TMEM74: variants seen among roughly 807,000 people sequenced by gnomAD.
The protein encoded by TMEM74 is transmembrane protein 74.
Under a neutral mutation model 18.1 loss-of-function variants are expected in TMEM74, and 13 were observed. The observed-to-expected ratio is 0.72, with a 90% CI of 0.47 to 1.14. The LOEUF (loss-of-function observed/expected upper bound fraction) is 1.14, where lower values mean the gene tolerates loss of function less well. Ranked by LOEUF, TMEM74 falls within the 50% of genes most tolerant of loss-of-function variation. TMEM74 has a pLI of 0.00. For missense variants in TMEM74, 372 were observed against 375.9 expected, an observed-to-expected ratio of 0.99 and a Z score of 0.09; for synonymous variants, 159 against 146.6, an observed-to-expected ratio of 1.08 and a Z score of -0.61.
intron 1 of TMEM74, among the ~76,000 whole-genome samples, chr8:108,685,216 T>A (rs928029723): frequency 2.0e-5 from 3 of 152,082 alleles, no homozygotes; most frequent in Admixed American, 2.0e-4. Flanking sequence ...TGAGATTACC[T>A]TCTTGATTTC....
chr8:108,657,842 CAAAAAAAAAAAAAA>C lies in TMEM74; in HGVS notation n.120-2419_120-2406del, dbSNP rs1157229913. On this transcript the variant is annotated intron_variant and non_coding_transcript_variant, in intron 1 of 3. Transcript: ENST00000518838. ...TGGGTGACAGAGTGAGACACCGTCT[CAAAAAAAAAAAAAA>C]AAAATATATATATATATATATATAT... Among the ~76,000 whole-genome samples, 135 of 16,644 alleles carry C rather than the reference CAAAAAAAAAAAAAA, an allele frequency of 8.1e-3. 3 individuals are homozygous for C. Among genetic ancestry groups the C allele is most frequent in the African/African-American group, 0.013 (42 of 3,288 alleles). The allele number at this position is 16,644 out of a possible 152,430, so 10.9% of individuals were successfully genotyped here.
In TMEM74 at chr8:108,727,049, C is replaced by T. The variant is rs137972789; in HGVS notation, n.119+60427G>A. Among the ~76,000 whole-genome samples the T allele has an allele frequency of 5.9e-5, 9 of 152,124 alleles. No individual in the cohort carries two copies. The East Asian group carries it at 1.5e-3, about 26-fold the overall frequency. On this transcript the variant is annotated intron_variant and non_coding_transcript_variant, in intron 1 of 3. Coordinates refer to the TMEM74 transcript ENST00000518838. ...GGGAAGAAAATAACCAATACTAAGG[C>T]AAGAACAAGTCCAATGTTGAAAAAC... is the stretch of plus-strand genomic sequence containing the variant.
intron 1 of TMEM74, among the ~76,000 whole-genome samples, chr8:108,741,537 C>A (rs1288288724): frequency 1.3e-5 from 2 of 152,136 alleles, no homozygotes; most frequent in Non-Finnish European, 2.9e-5. Context: ...TCCCTCAGAT[C>A]AGCCCAACTG....
In TMEM74 at chr8:108,780,809, T is replaced by C. The variant is rs1211003554; in HGVS notation, c.*3372A>G. ...TGTAAACTATAAATCACCTACACAG[T>C]GGGGAGCATGACGAAAAGCTGTTCT... On this transcript the variant is annotated 3_prime_UTR_variant, in exon 2 of 2. Coordinates refer to ENST00000297459, the MANE Select transcript of TMEM74 (RefSeq NM_153015.3). Among the ~76,000 whole-genome samples, 2 of 152,062 alleles carry C rather than the reference T, an allele frequency of 1.3e-5. No homozygotes were observed. The highest frequency in any genetic ancestry group is 2.9e-5 in the Non-Finnish European group (2 of 67,990).
intron 1 of TMEM74, among the ~76,000 whole-genome samples, chr8:108,737,176 T>A (rs1010838566): frequency 6.6e-6 from 1 of 152,150 alleles, no homozygotes; most frequent in African/African-American, 2.4e-5. Flanking sequence ...TGCTACTTAT[T>A]ATGTATGGAC....
chr8:108,714,900 T>G (rs927948379), intron 1 of TMEM74, among the ~76,000 whole-genome samples: 10 of 152,210 alleles, frequency 6.6e-5, no homozygotes, highest in Admixed American at 6.5e-4. Context: ...CTGGAGGCCA[T>G]CCATGTTTCC....
chr8:108,753,078 C>T (rs1813919328), intron 1 of TMEM74, among the ~76,000 whole-genome samples: 1 of 152,050 alleles, frequency 6.6e-6, no homozygotes, highest in Non-Finnish European at 1.5e-5. Context: ...TTCTTCATTT[C>T]TGAAACAATC....
At chr8:108,678,994 G>A (rs1176745651) in intron 1 of TMEM74, among the ~76,000 whole-genome samples, 4 of 148,276 alleles carry the variant, frequency 2.7e-5, no homozygotes, top group Admixed American at 7.0e-5. Flanking sequence ...GAGAACATGT[G>A]GTGTTTGGCT....
At chr8:108,637,215 C>A (rs1170994994) in intron 2 of TMEM74, among the ~76,000 whole-genome samples, 3 of 152,056 alleles carry the variant, frequency 2.0e-5, no homozygotes, top group African/African-American at 7.2e-5. Context: ...GCTTATAAAT[C>A]AGAAAGGCCA....
intron 1 of TMEM74, among the ~76,000 whole-genome samples, chr8:108,657,288 A>G (rs1276729388): frequency 6.6e-6 from 1 of 152,074 alleles, no homozygotes; most frequent in Non-Finnish European, 1.5e-5. Context: ...TGAGAGAACC[A>G]AAAGTTAACC....
At chr8:108,739,818 G>C (rs1813781714) in intron 1 of TMEM74, among the ~76,000 whole-genome samples, 1 of 151,998 alleles carries the variant, frequency 6.6e-6, no homozygotes, top group African/African-American at 2.4e-5. Flanking sequence ...GTGGTTTTTG[G>C]GGTGATCAGA....
chr8:108,717,946 T>TAAAAGGACCCCCTGGCTGCTGTAC (rs1232594766), intron 1 of TMEM74, among the ~76,000 whole-genome samples: 1 of 39,842 alleles, frequency 2.5e-5, no homozygotes, highest in Non-Finnish European at 5.3e-5. Context: ...ACTTAGGTTT[T>TAAAAGGACCCCCTGGCTGCTGTAC]TTTTTTTTTT....
chr8:108,650,092 CTTA>C (rs954133433), intron 2 of TMEM74, among the ~76,000 whole-genome samples: 2 of 152,132 alleles, frequency 1.3e-5, no homozygotes, highest in African/African-American at 4.8e-5. Context: ...ACTCATACTT[CTTA>C]TTACCTATGA....
chr8:108,752,332 T>C (rs776601266), intron 1 of TMEM74, among the ~76,000 whole-genome samples: 3 of 152,214 alleles, frequency 2.0e-5, no homozygotes, highest in African/African-American at 7.2e-5. Flanking sequence ...CATACGGCTG[T>C]TGAGAGTAAA....
At chr8:108,768,970 T>C (rs1814141287) in intron 1 of TMEM74, among the ~76,000 whole-genome samples, 1 of 152,062 alleles carries the variant, frequency 6.6e-6, no homozygotes, top group South Asian at 2.1e-4. Context: ...AGAGAAAATA[T>C]ACAGAACAAT....
chr8:108,637,327 C>A (rs1312386183), intron 2 of TMEM74, among the ~76,000 whole-genome samples: 1 of 151,884 alleles, frequency 6.6e-6, no homozygotes, highest in African/African-American at 2.4e-5. Context: ...TCCTTTTTGA[C>A]CAGGTGTGGT....
At chr8:108,700,912 G>A (rs559911350) in intron 1 of TMEM74, among the ~76,000 whole-genome samples, 1 of 147,040 alleles carries the variant, frequency 6.8e-6, no homozygotes, top group Admixed American at 6.9e-5. Context: ...TTTTTGAGGA[G>A]TATCTGGAAC....
chr8:108,673,424 T>C (rs1813022864), intron 1 of TMEM74, among the ~76,000 whole-genome samples: 1 of 152,148 alleles, frequency 6.6e-6, no homozygotes, highest in Non-Finnish European at 1.5e-5. Context: ...TGGAAGCATA[T>C]TGGCACCAAG....
At chr8:108,750,384 A>T (rs1334822157) in intron 1 of TMEM74, among the ~76,000 whole-genome samples, 1 of 152,166 alleles carries the variant, frequency 6.6e-6, no homozygotes, top group African/African-American at 2.4e-5. Context: ...TGTTGCATCA[A>T]GGAACTCATA....
Sources: gnomAD v4.1 joint callset for allele counts (sites outside exome capture counted in the v4.1 genomes callset) on GRCh38, gnomAD v4.1.1 for gene constraint, MANE v1.5 for transcripts, NCBI Gene and HGNC (gene_info 2026-07-23, HGNC 2026-07-21) for gene names.